SLAIN2: variants seen among roughly 807,000 people sequenced by gnomAD.
SLAIN2 encodes SLAIN motif-containing protein 2.
Under a neutral mutation model 56.6 loss-of-function variants are expected in SLAIN2, and 31 were observed. The ratio of observed to expected loss-of-function variants is 0.55; its 90% CI spans 0.41 to 0.74. SLAIN2 has a LOEUF of 0.74. SLAIN2 is among the 30% of genes least tolerant of loss of function. The probability of loss-of-function intolerance (pLI) is 0.00; values close to 1 mark genes in which losing one functional copy is unlikely to be tolerated. For synonymous variants in SLAIN2, 317 were observed against 284.9 expected (o/e 1.11, Z -1.13); for missense variants, 777 against 754.2 (o/e 1.03, Z -0.35).
At chr4:48,385,927 C>T (rs1351467125) in intron 6 of SLAIN2, among the ~76,000 whole-genome samples, 4 of 151,234 alleles carry the variant, frequency 2.6e-5, no homozygotes, top group Admixed American at 1.3e-4. Context: ...CACAAGACCT[C>T]GTCTCTAAAA....
At chr4:48,363,751 C>T (rs1715411192) in intron 1 of SLAIN2, among the ~76,000 whole-genome samples, 2 of 33,034 alleles carry the variant, frequency 6.1e-5, no homozygotes, top group African/African-American at 6.8e-5. Context: ...GGGGGCTGAC[C>T]CCCCCCACCT....
chr4:48,421,537 T>G (rs1717157483), intron 7 of SLAIN2, among the ~76,000 whole-genome samples: 1 of 152,166 alleles, frequency 6.6e-6, no homozygotes, highest in Admixed American at 6.5e-5. Flanking sequence ...AAGAGGATAT[T>G]GAAATTTAAT....
chr4:48,362,128 C>G (rs542951512), intron 1 of SLAIN2, among the ~76,000 whole-genome samples: 32 of 151,512 alleles, frequency 2.1e-4, no homozygotes, highest in African/African-American at 6.5e-4. Flanking sequence ...TCTTTTCAAT[C>G]AGGATGCCTT....
intron 2 of SLAIN2, among the ~76,000 whole-genome samples, chr4:48,373,977 G>T (rs1715736480): frequency 6.6e-6 from 1 of 152,268 alleles, no homozygotes; most frequent in East Asian, 1.9e-4. Flanking sequence ...GGTGGAGGTT[G>T]TGGTGAGCCA....
intron 6 of SLAIN2, among the ~76,000 whole-genome samples, chr4:48,403,572 C>G (rs1716613918): frequency 6.6e-6 from 1 of 152,208 alleles, no homozygotes; most frequent in South Asian, 2.1e-4. Context: ...ACAGCTGACT[C>G]CAACCACAGA....
At chr4:48,414,648 G>A (rs1223258805) in intron 6 of SLAIN2, among the ~76,000 whole-genome samples, 26 of 127,786 alleles carry the variant, frequency 2.0e-4, no homozygotes, top group East Asian at 4.6e-4. Flanking sequence ...ATGCTGGTGC[G>A]CTGCACCCAC....
At position 48,353,593 on chromosome 4, in the gene SLAIN2, G is replaced by GT. The variant is rs796380899; in HGVS notation, c.389+11473dup. 2.4e-3 allele frequency among the ~76,000 whole-genome samples: 366 copies of GT among 152,050 alleles called. 3 individuals carry two copies. The highest frequency in any genetic ancestry group is 8.3e-3 in the African/African-American group (345 of 41,486). On this transcript the variant is annotated intron_variant, in intron 1 of 7. Transcript: ENST00000264313. Reference sequence around the variant, plus strand: ...TGGTCAGTTTGGCTGAAAACAGAAGGTTTTTTTTACTGGAGTAAAGATCAA... The same window carrying GT: ...TGGTCAGTTTGGCTGAAAACAGAAGGTTTTTTTTTACTGGAGTAAAGATCAA...
At chr4:48,355,672 A>T (rs1299738250) in intron 1 of SLAIN2, among the ~76,000 whole-genome samples, 1 of 151,928 alleles carries the variant, frequency 6.6e-6, no homozygotes, top group Non-Finnish European at 1.5e-5. Flanking sequence ...CTTACCTCCT[A>T]CTCTGGCATG....
intron 6 of SLAIN2, among the ~76,000 whole-genome samples, chr4:48,406,777 T>C (rs983238201): frequency 6.6e-6 from 1 of 152,174 alleles, no homozygotes; most frequent in Non-Finnish European, 1.5e-5. Flanking sequence ...GATGATAACT[T>C]ATCTCTTGTT....
intron 6 of SLAIN2, among the ~76,000 whole-genome samples, chr4:48,385,862 A>G (rs1015714639): frequency 2.0e-5 from 3 of 151,702 alleles, no homozygotes; most frequent in Non-Finnish European, 2.9e-5. Flanking sequence ...AGCTGTTGTT[A>G]CTTAGTGGCT....
At chr4:48,362,444 A>G (rs1715352895) in intron 1 of SLAIN2, among the ~76,000 whole-genome samples, 1 of 134,128 alleles carries the variant, frequency 7.5e-6, no homozygotes. Flanking sequence ...TTTTGGACAG[A>G]GTCTTGTTCT....
chr4:48,356,548 C>T (rs1043237412), intron 1 of SLAIN2, among the ~76,000 whole-genome samples: 5 of 152,132 alleles, frequency 3.3e-5, no homozygotes, highest in Non-Finnish European at 7.4e-5. Flanking sequence ...CCACAATTTG[C>T]AAGTCTGGAA....
intron 6 of SLAIN2, among the ~76,000 whole-genome samples, chr4:48,411,408 TCTTACA>T (rs1225559864): frequency 6.6e-6 from 1 of 152,184 alleles, no homozygotes; most frequent in African/African-American, 2.4e-5. Context: ...ATGGGTTAGC[TCTTACA>T]CTTAGGTCTG....
chr4:48,387,636 C>T (rs1337352595), intron 6 of SLAIN2, among the ~76,000 whole-genome samples: 1 of 151,390 alleles, frequency 6.6e-6, no homozygotes, highest in Non-Finnish European at 1.5e-5. Context: ...TAGAATTATA[C>T]TGTTCTCAAA....
At chr4:48,394,674 A>T in intron 6 of SLAIN2, 1 of 1,529,560 alleles carries the variant, frequency 6.5e-7, no homozygotes, top group South Asian at 1.2e-5. Context: ...CCTCTTACTC[A>T]GTTTAAAATT....
intron 6 of SLAIN2, among the ~76,000 whole-genome samples, chr4:48,391,686 G>A (rs756505113): frequency 3.3e-5 from 5 of 152,128 alleles, no homozygotes; most frequent in Non-Finnish European, 5.9e-5. Flanking sequence ...AAAAAACACT[G>A]ATTGGAATTC....
intron 1 of SLAIN2, among the ~76,000 whole-genome samples, chr4:48,356,543 A>G (rs1715161716): frequency 6.6e-6 from 1 of 152,170 alleles, no homozygotes; most frequent in Non-Finnish European, 1.5e-5. Context: ...TATTGCCACA[A>G]TTTGCAAGTC....
Position 48,350,376 on chromosome 4 carries a change from A to G in SLAIN2, c.389+8248A>G, listed in dbSNP as rs543731795. ...ACCCCTGCCTCCTTACCCTTCTGCT[A>G]GGAACATATCTATAACTATATAAAT... On this transcript the variant is annotated intron_variant, in intron 1 of 7. Transcript: ENST00000264313. Among the ~76,000 whole-genome samples, 20 of 152,366 alleles carry G rather than the reference A, an allele frequency of 1.3e-4. No individual in the cohort carries two copies. The East Asian group carries it at 1.9e-3, about 15-fold the overall frequency.
chr4:48,403,600 C>T (rs1363577944), intron 6 of SLAIN2, among the ~76,000 whole-genome samples: 3 of 152,212 alleles, frequency 2.0e-5, no homozygotes, highest in Non-Finnish European at 4.4e-5. Flanking sequence ...GCCACCCTTC[C>T]TCCCAGGAGT....
Sources: allele counts gnomAD v4.1 joint callset (sites outside exome capture counted in the v4.1 genomes callset), GRCh38; gene constraint gnomAD v4.1.1; transcripts MANE v1.5; gene names NCBI Gene and HGNC (gene_info 2026-07-23, HGNC 2026-07-21).